WDR37: variants seen among roughly 807,000 people sequenced by gnomAD.
WDR37 encodes the protein WD repeat domain 37.
WDR37 carries 19 observed loss-of-function variants against 62.9 expected under a neutral mutation model. The observed-to-expected ratio is 0.30, with a 90% CI of 0.21 to 0.44. WDR37 has a LOEUF of 0.44. Among genes scored for constraint, WDR37 ranks in the 20% least tolerant of loss-of-function variants. WDR37 has a pLI of 1.00. For missense variants in WDR37, 474 were observed against 657.6 expected (o/e 0.72, Z 3.05); for synonymous variants, 250 against 260.9 (o/e 0.96, Z 0.40).
chr10:1,111,046 G>T (rs1411227077), intron 11 of WDR37, among the ~76,000 whole-genome samples: 4 of 152,238 alleles, frequency 2.6e-5, no homozygotes, highest in African/African-American at 9.6e-5. Context: ...ATGTAGGCTG[G>T]AAAGTTATAT....
At position 1,103,243 on chromosome 10, in the gene WDR37, GGTTA is replaced by G. The variant is rs1834885309; in HGVS notation, c.727-355_727-352del. Among the ~76,000 whole-genome samples, 1 of 152,136 alleles carries G rather than the reference GGTTA, an allele frequency of 6.6e-6. No homozygotes were observed. Among genetic ancestry groups the G allele is most frequent in the Non-Finnish European group, 1.5e-5 (1 of 68,018 alleles). Reference sequence around the variant, plus strand: ...AAATTACTGACTTTCATTTGTATTTGGTTAGTTTTATATTGCATTTCTACTAGTA... The same window carrying G: ...AAATTACTGACTTTCATTTGTATTTGGTTTTATATTGCATTTCTACTAGTA... On this transcript the variant is annotated intron_variant, in intron 9 of 13. Coordinates refer to ENST00000263150, the MANE Select transcript of WDR37 (RefSeq NM_014023.4). This position sits in a 1 kb window ranked among gnomAD's most constrained non-coding sequence, Gnocchi z 6.3.
At chr10:1,119,079 C>A (rs914344102) in intron 11 of WDR37, among the ~76,000 whole-genome samples, 1 of 152,230 alleles carries the variant, frequency 6.6e-6, no homozygotes, top group Admixed American at 6.5e-5. Flanking sequence ...GGAATTTCTT[C>A]TGTATACCAG....
At position 1,080,437 on chromosome 10, in the gene WDR37, C is replaced by G. The variant is rs1161512275; in HGVS notation, c.357C>G (p.Ser119=). Residue 119 remains serine, a synonymous_variant, in exon 5 of 14, where the codon TCC becomes TCG. Transcript: ENST00000263150. ...CCAGTCACAGCACCAGCCAGCTCTC[C>G]CAGAAACTGAAGACCACTTACAAGG... ...TKASHSTSQL[S]QKLKTTYKAS... 2 of 1,614,178 alleles carry G rather than the reference C, an allele frequency of 1.2e-6. No individual in the cohort carries two copies. The highest frequency in any genetic ancestry group is 2.2e-5 in the East Asian group (1 of 44,880).
chr10:1,110,959 C>G (rs1239548815), intron 11 of WDR37, among the ~76,000 whole-genome samples: 2 of 152,216 alleles, frequency 1.3e-5, no homozygotes, highest in Non-Finnish European at 2.9e-5. Context: ...ATCCTGAGTT[C>G]TTTTCACTAG....
At chr10:1,071,920 A>G (rs1833743497) in intron 1 of WDR37, among the ~76,000 whole-genome samples, 196 bp from the exon 2 acceptor site, 3 of 152,116 alleles carry the variant, frequency 2.0e-5, no homozygotes, top group African/African-American at 7.2e-5. Context: ...ATGAAATTTG[A>G]TAAAGAAATT....
intron 1 of WDR37, among the ~76,000 whole-genome samples, chr10:1,066,546 AAC>A (rs1308025051): frequency 6.6e-6 from 1 of 152,246 alleles, no homozygotes; most frequent in Non-Finnish European, 1.5e-5. Flanking sequence ...GTACAGATTT[AAC>A]ACAATTCCTA....
In WDR37 at chr10:1,124,214, A is replaced by T. The variant is rs758389395; in HGVS notation, c.1104-4A>T. The T allele has an allele frequency of 1.2e-6, 2 of 1,614,046 alleles. No individual in the cohort carries two copies. Among genetic ancestry groups the T allele is most frequent in the South Asian group, 1.1e-5 (1 of 91,088 alleles). ...GCATCTGACTCTGTGCCCTTTGTTC[A>T]TAGCACTGTGACTTCTGCCGTGTTC... On this transcript the variant is annotated splice_polypyrimidine_tract_variant and splice_region_variant and intron_variant, in intron 11 of 13. Coordinates refer to ENST00000263150, the MANE Select transcript of WDR37 (RefSeq NM_014023.4).
intron 2 of WDR37, among the ~76,000 whole-genome samples, chr10:1,076,678 CAAA>C (rs746636401): frequency 1.9e-4 from 14 of 73,542 alleles, no homozygotes; most frequent in Non-Finnish European, 3.7e-4. Flanking sequence ...GACTCCATCT[CAAA>C]AAAAAAAAAA....
In WDR37 at chr10:1,091,685, C is replaced by A. The variant is rs890123844; in HGVS notation, c.605-1767C>A. 5.9e-5 allele frequency among the ~76,000 whole-genome samples: 9 copies of A among 152,318 alleles called. No individual in the cohort carries two copies. The East Asian group carries it at 1.5e-3, about 26-fold the overall frequency. On this transcript the variant is annotated intron_variant, in intron 7 of 13. Coordinates refer to ENST00000263150, the MANE Select transcript of WDR37 (RefSeq NM_014023.4). ...GATGGTAGCTCACCCCATCCCAATT[C>A]CTGTCGTTTGCTTTGGGAACATCCC... is the stretch of plus-strand genomic sequence containing the variant.
intron 8 of WDR37, among the ~76,000 whole-genome samples, chr10:1,093,808 C>T (rs899237258): frequency 7.9e-5 from 12 of 152,164 alleles, no homozygotes; most frequent in Non-Finnish European, 1.3e-4. Flanking sequence ...CTCCTTGAGG[C>T]CCTGTGGTTA....
At chr10:1,086,425 G>C in intron 7 of WDR37, 68 bp downstream of exon 7, 1 of 1,269,290 alleles carries the variant, frequency 7.9e-7, no homozygotes, top group Non-Finnish European at 1.1e-6. Flanking sequence ...TTAAAATCGT[G>C]CATGATAAAG....
chr10:1,088,017 T>C (rs1214887559), intron 7 of WDR37, among the ~76,000 whole-genome samples: 2 of 152,216 alleles, frequency 1.3e-5, no homozygotes, highest in Admixed American at 1.3e-4. Context: ...CCTTGTACTT[T>C]TATGTTGTGG....
At chr10:1,110,305 T>C (rs1435475439) in intron 11 of WDR37, among the ~76,000 whole-genome samples, 3 of 152,164 alleles carry the variant, frequency 2.0e-5, no homozygotes, top group African/African-American at 7.2e-5. Flanking sequence ...AACTCTTCCT[T>C]CCTGACATCA....
intron 5 of WDR37, 67 bp from the exon 6 acceptor site, chr10:1,084,336 C>G: frequency 6.4e-7 from 1 of 1,570,574 alleles, no homozygotes; most frequent in Non-Finnish European, 8.7e-7. Context: ...TTTTCGTTTT[C>G]TCTTTCTTGA....
Position 1,103,812 on chromosome 10 carries a change from T to C in WDR37, c.937T>C (p.Ser313Pro). 1 of 1,614,138 alleles carries C rather than the reference T, an allele frequency of 6.2e-7. No homozygotes were observed. The highest frequency in any genetic ancestry group is 8.5e-7 in the Non-Finnish European group (1 of 1,179,996). ...GGCAAACCTGTACGACGTGGAGACG[T>C]CCGAGCTCGTTCACTCTCTGACAGG... ...RTANLYDVET[S>P]ELVHSLTGHD... The change falls in exon 10 of 14, where the codon TCC becomes CCC. Residue 313 changes from serine (S) to proline (P), a missense_variant. Physicochemically the swap from Ser to Pro is moderately conservative, Grantham distance 74. Transcript: ENST00000263150. The surrounding 1 kb of genome is among the most constrained non-coding windows in gnomAD (Gnocchi z 6.3).
intron 6 of WDR37, among the ~76,000 whole-genome samples, chr10:1,084,851 C>G (rs1263404311): frequency 6.6e-6 from 1 of 152,206 alleles, no homozygotes; most frequent in South Asian, 2.1e-4. Context: ...TTTCCAGGTC[C>G]CCGTGGGTAG....
At position 1,077,824 on chromosome 10, in the gene WDR37, A is replaced by G; in HGVS notation, c.139-83A>G. ...ATACAAAATAAGAGTTTACAATAAAAGATAATTCACTTTGGAAAAAGCATA... is the reference window on the plus strand; with the variant it reads ...ATACAAAATAAGAGTTTACAATAAAGGATAATTCACTTTGGAAAAAGCATA... On this transcript the variant is annotated intron_variant, in intron 2 of 13. Coordinates refer to ENST00000263150, the MANE Select transcript of WDR37 (RefSeq NM_014023.4). 2 of 1,003,506 alleles carry G rather than the reference A, an allele frequency of 2.0e-6. 1 individual carries two copies. The highest frequency in any genetic ancestry group is 5.0e-5 in the East Asian group (2 of 40,046). The allele number at this position is 1,003,506 out of a possible 1,614,324, so 62.2% of individuals were successfully genotyped here. A position where few individuals can be genotyped will look rare whatever the true frequency, so the allele number is the denominator to read the frequency against.
chr10:1,122,956 A>G (rs1031982610), intron 11 of WDR37, among the ~76,000 whole-genome samples: 1 of 152,210 alleles, frequency 6.6e-6, no homozygotes, highest in African/African-American at 2.4e-5. Flanking sequence ...CACCATGTCA[A>G]ACACTTTTTT....
At position 1,056,529 on chromosome 10, in the gene WDR37, G is replaced by C. The variant is rs1487447892; in HGVS notation, c.-480G>C. ...TCGCAGCCCTCCCGCCCCGGCTGCC[G>C]GGCTACGGGGCAGATGGACTCGGAG... On this transcript the variant is annotated 5_prime_UTR_variant, in exon 1 of 14. Transcript: ENST00000263150. 6.6e-6 allele frequency: 1 copy of C among 152,228 alleles called. No individual in the cohort carries two copies. The highest frequency in any genetic ancestry group is 2.1e-4 in the South Asian group (1 of 4,834). 9.4% of individuals were successfully genotyped at this position (152,228 alleles called of 1,614,324 possible). A position where few individuals can be genotyped will look rare whatever the true frequency, so the allele number is the denominator to read the frequency against.
Sources: allele counts gnomAD v4.1 joint callset (sites outside exome capture counted in the v4.1 genomes callset), GRCh38; gene constraint gnomAD v4.1.1; non-coding constraint Gnocchi (gnomAD v3.1); transcripts MANE v1.5; gene names NCBI Gene and HGNC (gene_info 2026-07-23, HGNC 2026-07-21).